The following SVEP1 variants were observed in gnomAD, a reference collection of about 807,000 sequenced individuals.
SVEP1 encodes sushi, von Willebrand factor type A, EGF and pentraxin domain-containing protein 1.
In SVEP1, 164 loss-of-function variants were observed where a neutral mutation model predicts 367.3. The ratio of observed to expected loss-of-function variants is 0.45; its 90% CI spans 0.39 to 0.51. SVEP1 has a LOEUF of 0.51. SVEP1 is among the 20% of genes least tolerant of loss of function. The pLI, the probability that SVEP1 is intolerant of heterozygous loss-of-function variation, is 0.00. For synonymous variants in SVEP1, 1,666 were observed against 1,611.6 expected (o/e 1.03, Z -0.81); for missense variants, 4,117 against 4,425.3 (o/e 0.93, Z 1.98).
Position 110,489,681 on chromosome 9 carries a change from C to G in SVEP1, c.1899G>C (p.Gln633His), listed in dbSNP as rs538029137. The change falls in exon 9 of 48, where the codon CAG (glutamine) becomes CAC (histidine). Residue 633 changes from glutamine to histidine, a missense_variant. By Grantham distance (24) the Gln-to-His change is conservative. Around this residue, in one of 4 missense-constraint regions of SVEP1, gnomAD observed 2,174 missense variants for 2,494.3 expected, o/e 0.87. Coordinates refer to ENST00000374469, the MANE Select transcript of SVEP1 (RefSeq NM_153366.4). ...CCTTGATATGGAAAATGCAGCTGGC[C>G]TGGTTGCCGGATAGGTCAGTTGCCG... is the stretch of plus-strand genomic sequence containing the variant. ...VYTATDLSGN[Q>H]ASCIFHIKVI... 1.4e-5 allele frequency: 23 copies of G among 1,613,338 alleles called. No homozygotes were observed. Among genetic ancestry groups the G allele is most frequent in the Middle Eastern group, 3.3e-4 (2 of 6,058 alleles).
intron 5 of SVEP1, 80 bp from the exon 6 acceptor site, chr9:110,503,297 A>C: frequency 2.2e-6 from 3 of 1,374,204 alleles, no homozygotes; most frequent in Non-Finnish European, 3.0e-6. Flanking sequence ...CAATGCCTGC[A>C]CATTGCAAGC....
intron 26 of SVEP1, among the ~76,000 whole-genome samples, chr9:110,445,281 G>C (rs191464424): frequency 3.0e-4 from 45 of 152,274 alleles, no homozygotes; most frequent in African/African-American, 1.0e-3. Flanking sequence ...ACTAAGGTTG[G>C]CTCTCCTGAC....
chr9:110,424,746 C>A (rs966918803), intron 36 of SVEP1, among the ~76,000 whole-genome samples: 2 of 152,182 alleles, frequency 1.3e-5, no homozygotes, highest in Non-Finnish European at 2.9e-5. Context: ...GCGATCTCAG[C>A]TCACTGCAAC....
chr9:110,571,227 C>T, intron 1 of SVEP1, among the ~76,000 whole-genome samples: 1 of 152,140 alleles, frequency 6.6e-6, no homozygotes, highest in East Asian at 1.9e-4. Context: ...CCTCAGCCTC[C>T]CAAAGTGCTG....
At position 110,445,958 on chromosome 9, in the gene SVEP1, G is replaced by C; in HGVS notation, c.4342C>G (p.Leu1448Val). The C allele has an allele frequency of 6.2e-7, 1 of 1,613,950 alleles. No homozygotes were observed. Among genetic ancestry groups the C allele is most frequent in the African/African-American group, 1.3e-5 (1 of 75,060 alleles). The change falls in exon 26 of 48, where the codon CTC (leucine) becomes GTC (valine). Residue 1448 changes from leucine (L) to valine (V), a missense_variant. Leu to Val is a conservative substitution (Grantham distance 32). This residue lies in a region of SVEP1 where 2,174 missense variants were observed against 2,494.3 expected (regional missense o/e 0.87). Transcript: ENST00000374469. Reference protein sequence around the residue: ...YVMLDGMLPSLHALTCTFWMK... With the variant: ...YVMLDGMLPSVHALTCTFWMK... ...CAGAAGGTACAGGTTAGAGCATGGA[G>C]AGATGGGAGCATGCCATCTAGCATG...
intron 2 of SVEP1, among the ~76,000 whole-genome samples, chr9:110,546,729 G>A (rs1830226065): frequency 6.6e-6 from 1 of 152,128 alleles, no homozygotes; most frequent in African/African-American, 2.4e-5. Flanking sequence ...CCTGATCACT[G>A]CACAGAGATG....
intron 46 of SVEP1, among the ~76,000 whole-genome samples, chr9:110,371,540 C>T (rs1223755329): frequency 2.0e-5 from 3 of 152,044 alleles, no homozygotes; most frequent in African/African-American, 7.3e-5. Context: ...TTATCACTTC[C>T]CTTGTATGTT....
intron 3 of SVEP1, among the ~76,000 whole-genome samples, chr9:110,516,764 T>C (rs1487257271): frequency 1.3e-5 from 2 of 152,110 alleles, no homozygotes; most frequent in Admixed American, 6.5e-5. Context: ...AACAAGAGAA[T>C]TGAGTAGAAG....
intron 26 of SVEP1, 53 bp downstream of exon 26, chr9:110,445,784 A>G: frequency 1.3e-6 from 2 of 1,597,342 alleles, no homozygotes; most frequent in Non-Finnish European, 1.7e-6. Flanking sequence ...GTCAGTTCTA[A>G]TTCGGTTCCA....
chr9:110,494,391 G>A (rs916024749), intron 8 of SVEP1, among the ~76,000 whole-genome samples: 2 of 152,162 alleles, frequency 1.3e-5, no homozygotes, highest in African/African-American at 4.8e-5. Context: ...TATTTAGACA[G>A]CAAGACTCTT....
intron 43 of SVEP1, among the ~76,000 whole-genome samples, chr9:110,383,903 G>A (rs925325368): frequency 6.6e-6 from 1 of 151,936 alleles, no homozygotes; most frequent in African/African-American, 2.4e-5. Context: ...CAGCTGCTGT[G>A]CTGCACTATG....
At chr9:110,494,094 C>T (rs1229055832) in intron 8 of SVEP1, among the ~76,000 whole-genome samples, 14 of 152,332 alleles carry the variant, frequency 9.2e-5, no homozygotes, top group Admixed American at 8.5e-4. Context: ...GGATAACCCA[C>T]GCTAATCCTC....
chr9:110,417,263 C>A (rs925546631), intron 36 of SVEP1, among the ~76,000 whole-genome samples: 1 of 140,428 alleles, frequency 7.1e-6, no homozygotes, highest in African/African-American at 2.7e-5. Context: ...GTGTGCGCAC[C>A]GTGCGCGAGC....
Position 110,445,874 on chromosome 9 carries a change from C to G in SVEP1, c.4426G>C (p.Gly1476Arg), listed in dbSNP as rs747899335. ...GTCAGGAGCAAGGTATTGTCGCTGC[C>G]GTTATCAACTGCATAGGAGATTGGT... ...GTPISYAVDN[G>R]SDNTLLLTDY... Residue 1476 changes from glycine (G) to arginine (R), a missense_variant, in exon 26 of 48, where the codon GGC becomes CGC. This residue lies in a region of SVEP1 where 2,174 missense variants were observed against 2,494.3 expected (regional missense o/e 0.87). Coordinates refer to ENST00000374469, the MANE Select transcript of SVEP1 (RefSeq NM_153366.4). The G allele has an allele frequency of 6.2e-7, 1 of 1,613,874 alleles. No individual in the cohort carries two copies. Among genetic ancestry groups the G allele is most frequent in the Non-Finnish European group, 8.5e-7 (1 of 1,179,838 alleles).
chr9:110,431,826 T>C, intron 32 of SVEP1, 89 bp downstream of exon 32: 2 of 1,526,316 alleles, frequency 1.3e-6, no homozygotes, highest in African/African-American at 2.7e-5. Flanking sequence ...TTGAAACAAT[T>C]ATCTCACTTA....
chr9:110,458,360 C>A (rs1479353320), intron 20 of SVEP1, 111 bp downstream of exon 20: 1 of 853,282 alleles, frequency 1.2e-6, no homozygotes, highest in African/African-American at 1.7e-5. Context: ...ATTCATACAT[C>A]TTGATTACTT....
intron 22 of SVEP1, among the ~76,000 whole-genome samples, chr9:110,453,708 A>G (rs1828733805): frequency 6.6e-6 from 1 of 152,000 alleles, no homozygotes; most frequent in Non-Finnish European, 1.5e-5. Flanking sequence ...TCTCTACTAA[A>G]AATACAAAAA....
At chr9:110,556,004 A>G (rs966473530) in intron 1 of SVEP1, among the ~76,000 whole-genome samples, 1 of 152,224 alleles carries the variant, frequency 6.6e-6, no homozygotes, top group East Asian at 1.9e-4. Flanking sequence ...TTTGTGAGAC[A>G]TTTAAGAAAC....
At chr9:110,545,780 T>A (rs183951215) in intron 3 of SVEP1, among the ~76,000 whole-genome samples, 336 of 152,288 alleles carry the variant, frequency 2.2e-3, no homozygotes, top group Non-Finnish European at 3.9e-3. Flanking sequence ...CTTGGAACCC[T>A]GCCGTCCCCA....
Sources: gnomAD v4.1 joint callset for allele counts (sites outside exome capture counted in the v4.1 genomes callset) on GRCh38, gnomAD v4.1.1 for gene constraint, gnomAD v4.1.1 regional missense constraint, MANE v1.5 for transcripts, NCBI Gene and HGNC (gene_info 2026-07-23, HGNC 2026-07-21) for gene names.